The following AZIN2 variants were observed in gnomAD, a reference collection of about 807,000 sequenced individuals.
The protein encoded by AZIN2 is ODC antizyme inhibitor-2.
In AZIN2, 28 loss-of-function variants were observed where a neutral mutation model predicts 47.8. The observed-to-expected ratio is 0.59, with a 90% CI of 0.43 to 0.80. AZIN2 has a LOEUF of 0.80. Among genes scored for constraint, AZIN2 ranks in the 30% least tolerant of loss-of-function variants. The probability of loss-of-function intolerance (pLI) is 0.00; values close to 1 mark genes in which losing one functional copy is unlikely to be tolerated. For missense variants in AZIN2, 535 were observed against 582.5 expected (o/e 0.92, Z 0.84); for synonymous variants, 221 against 239.4 (o/e 0.92, Z 0.71).
At chr1:33,165,581 G>C in the AZIN2 span, 4 of 1,594,784 alleles carry the variant, frequency 2.5e-6, no homozygotes, top group East Asian at 2.3e-5. The surrounding 1 kb of genome is among the most constrained non-coding windows in gnomAD (Gnocchi z 4.0). Flanking sequence ...AACACACACA[G>C]GGCCGGGATG....
At chr1:33,125,966 A>T (rs1644853681), downstream of AZIN2, among the ~76,000 whole-genome samples, 1 of 152,214 alleles carries the variant, frequency 6.6e-6, no homozygotes, top group South Asian at 2.1e-4. Context: ...ATTTGAGGCC[A>T]GCCTGGGCAA....
intron 10 of AZIN2, among the ~76,000 whole-genome samples, chr1:33,115,678 C>T (rs937197055): frequency 6.6e-6 from 1 of 151,984 alleles, no homozygotes; most frequent in African/African-American, 2.4e-5. Context: ...ACTCCAGCCT[C>T]GATGACAGAG....
chr1:33,109,142 A>G (rs1339458747), intron 10 of AZIN2, among the ~76,000 whole-genome samples: 1 of 152,170 alleles, frequency 6.6e-6, no homozygotes, highest in Non-Finnish European at 1.5e-5. Flanking sequence ...ATCTGTATAT[A>G]TTCTTTGGCG....
the AZIN2 span, among the ~76,000 whole-genome samples, chr1:33,155,756 C>T: frequency 6.5e-3 from 994 of 152,318 alleles, 7 homozygotes; most frequent in Middle Eastern, 0.01. Context: ...TAAAGGACAT[C>T]GTGCCTGACT....
intron 10 of AZIN2, among the ~76,000 whole-genome samples, chr1:33,114,128 C>CTT (rs1213266792): frequency 2.8e-5 from 4 of 143,380 alleles, no homozygotes; most frequent in African/African-American, 7.6e-5. Flanking sequence ...TTATTCTTTT[C>CTT]TTTTTTTTTT....
chr1:33,162,130 C>T, the AZIN2 span, among the ~76,000 whole-genome samples: 1 of 152,180 alleles, frequency 6.6e-6, no homozygotes, highest in Non-Finnish European at 1.5e-5. Context: ...TCAGAGTGAT[C>T]CTTCTAAAGT....
chr1:33,155,530 A>C, the AZIN2 span, among the ~76,000 whole-genome samples: 3 of 152,152 alleles, frequency 2.0e-5, no homozygotes, highest in Admixed American at 6.5e-5. Flanking sequence ...GGTGTGTGTG[A>C]GGTCAGAGAA....
chr1:33,112,971 TTTTA>T (rs950198042), intron 10 of AZIN2, among the ~76,000 whole-genome samples: 1 of 152,054 alleles, frequency 6.6e-6, no homozygotes, highest in Non-Finnish European at 1.5e-5. Context: ...TCCATGAAGG[TTTTA>T]TTTATTTATT....
At chr1:33,104,018 G>C (rs1234389954) in intron 10 of AZIN2, among the ~76,000 whole-genome samples, 1 of 152,004 alleles carries the variant, frequency 6.6e-6, no homozygotes, top group African/African-American at 2.4e-5. Flanking sequence ...GAGTAGCTGG[G>C]ATTACAGGCG....
chr1:33,136,144 TTCCTTC>T, the AZIN2 span, among the ~76,000 whole-genome samples: 1 of 147,186 alleles, frequency 6.8e-6, no homozygotes, highest in South Asian at 2.2e-4. Context: ...CCTTCCTTCC[TTCCTTC>T]CTTCCTTCCT....
chr1:33,099,498 G>A (rs1197676747), intron 10 of AZIN2, among the ~76,000 whole-genome samples: 2 of 152,202 alleles, frequency 1.3e-5, no homozygotes, highest in African/African-American at 2.4e-5. Context: ...CTTACAGAGC[G>A]GGCAGCTGTT....
In AZIN2 at chr1:33,098,094, T is replaced by C. The variant is rs1557692716; in HGVS notation, c.944T>C (p.Ile315Thr). 1 of 1,614,112 alleles carries C rather than the reference T, an allele frequency of 6.2e-7. No individual in the cohort carries two copies. Among genetic ancestry groups the C allele is most frequent in the East Asian group, 2.2e-5 (1 of 44,878 alleles). The change falls in exon 10 of 12, where the codon ATC (isoleucine) becomes ACC (threonine). Residue 315 changes from isoleucine to threonine, a missense_variant. Ile to Thr is a moderately conservative substitution (Grantham distance 89). Transcript: ENST00000294517. Reference protein sequence around the residue: ...EEENGSTSKTIVYHLDEGVYG... With the variant: ...EEENGSTSKTTVYHLDEGVYG... ...GAAAATGGTTCCACCTCCAAGACCA[T>C]CGTGTACCACCTTGATGAGGGCGTG...
intron 10 of AZIN2, among the ~76,000 whole-genome samples, chr1:33,109,840 T>C (rs1644209289): frequency 3.3e-5 from 5 of 152,182 alleles, no homozygotes; most frequent in African/African-American, 1.2e-4. Flanking sequence ...TTGTGTATTT[T>C]GTTTATTAGT....
At chr1:33,082,637 CTG>C (rs1641412577) in intron 4 of AZIN2, 8 of 303,496 alleles carry the variant, frequency 2.6e-5, no homozygotes, top group South Asian at 2.6e-4. Flanking sequence ...TTACCAAGCT[CTG>C]TGAATTCTGC....
chr1:33,157,803 C>G, the AZIN2 span, among the ~76,000 whole-genome samples: 13 of 151,864 alleles, frequency 8.6e-5, no homozygotes, highest in South Asian at 2.5e-3. Context: ...GTTGCCCAGG[C>G]TGGAGTGCAG....
intron 10 of AZIN2, among the ~76,000 whole-genome samples, chr1:33,112,744 T>G (rs1644343273): frequency 6.6e-6 from 1 of 152,224 alleles, no homozygotes; most frequent in African/African-American, 2.4e-5. Context: ...ATAAATTATT[T>G]AACAAAAACT....
At chr1:33,082,022 A>T in intron 3 of AZIN2, 156 bp from the exon 4 acceptor site, 1 of 558,004 alleles carries the variant, frequency 1.8e-6, no homozygotes, top group Non-Finnish European at 3.2e-6. Context: ...TCCGTCTGAA[A>T]TCCGGGATTC....
intron 10 of AZIN2, among the ~76,000 whole-genome samples, chr1:33,098,571 T>C (rs1643395902): frequency 6.6e-6 from 1 of 152,192 alleles, no homozygotes. Flanking sequence ...TGTGGTAAAT[T>C]CCTGGAAGTA....
the AZIN2 span, among the ~76,000 whole-genome samples, chr1:33,153,905 C>G: frequency 6.6e-6 from 1 of 152,338 alleles, no homozygotes; most frequent in African/African-American, 2.4e-5. Context: ...CCCTGACCCT[C>G]ACAGTTCACA....
Sources: gnomAD v4.1 joint callset for allele counts (sites outside exome capture counted in the v4.1 genomes callset) on GRCh38, gnomAD v4.1.1 for gene constraint, Gnocchi (gnomAD v3.1) non-coding constraint, MANE v1.5 for transcripts, NCBI Gene and HGNC (gene_info 2026-07-23, HGNC 2026-07-21) for gene names.